Variants in AHDC1 observed in about 807,000 individuals in gnomAD.
AHDC1 encodes transcription factor Gibbin.
AHDC1 carries 7 observed loss-of-function variants against 87.9 expected under a neutral mutation model. The observed-to-expected ratio is 0.08, with a 90% CI of 0.05 to 0.15. The LOEUF (loss-of-function observed/expected upper bound fraction) is 0.15, where lower values mean the gene tolerates loss of function less well. AHDC1 is among the 10% of genes least tolerant of loss of function. The pLI is 1.00. For synonymous variants in AHDC1, 1,051 were observed against 1,006.8 expected (o/e 1.04, Z -0.83); for missense variants, 1,841 against 2,253.2 (o/e 0.82, Z 3.70).
At chr1:27,552,312 TC>T in intron 7 of AHDC1, 123 bp from the exon 8 acceptor site, 1 of 926,420 alleles carries the variant, frequency 1.1e-6, no homozygotes, top group Non-Finnish European at 1.4e-6. Context: ...CAAGCTCCCC[TC>T]CCCACCCCAA....
In AHDC1 at chr1:27,595,458, G is replaced by A. The variant is rs574580583; in HGVS notation, c.-629+7939C>T. Among the ~76,000 whole-genome samples, 1 of 151,718 alleles carries A rather than the reference G, an allele frequency of 6.6e-6. No homozygotes were observed. Among genetic ancestry groups the A allele is most frequent in the South Asian group, 2.1e-4 (1 of 4,802 alleles). ...TGCTGAGGGTGTGATAGCTGTGTGT[G>A]TGTGTGTGTGTGATTGTGTGTGTGT... On this transcript the variant is annotated intron_variant, in intron 3 of 8. Coordinates refer to ENST00000673934, the MANE Select transcript of AHDC1 (RefSeq NM_001371928.1). The surrounding 1 kb of genome is among the most constrained non-coding windows in gnomAD (Gnocchi z 4.0).
rs143409425 is a variant in AHDC1 at position 27,539,963 on chromosome 1, ATCTCTC to A, written c.*44-5053_*44-5048del. Among the ~76,000 whole-genome samples the A allele has an allele frequency of 2.7e-5, 4 of 147,926 alleles. No homozygotes were observed. In the East Asian group the frequency reaches 5.9e-4, roughly 22 times the overall value. ...GGAGGAGGCTAGCCTCACCTCCTCC[ATCTCTC>A]TCTCTCTCTCTCTCCCCCACTCTCC... is the stretch of plus-strand genomic sequence containing the variant. On this transcript the variant is annotated intron_variant, in intron 8 of 8. Coordinates refer to ENST00000673934, the MANE Select transcript of AHDC1 (RefSeq NM_001371928.1).
chr1:27,593,114 G>A lies in AHDC1; in HGVS notation c.-629+10283C>T, dbSNP rs557730332. ...CAGGGGACACAGGCCTCGGTGGAACGGAGTAGACACGGTGTCTCCTCAGGG... is the reference window on the plus strand; with the variant it reads ...CAGGGGACACAGGCCTCGGTGGAACAGAGTAGACACGGTGTCTCCTCAGGG... On this transcript the variant is annotated intron_variant, in intron 3 of 8. Coordinates refer to ENST00000673934, the MANE Select transcript of AHDC1 (RefSeq NM_001371928.1). This position sits in a 1 kb window ranked among gnomAD's most constrained non-coding sequence, Gnocchi z 4.9. 4.6e-5 allele frequency among the ~76,000 whole-genome samples: 7 copies of A among 152,192 alleles called. No homozygotes were observed. The highest frequency in any genetic ancestry group is 2.1e-4 in the South Asian group (1 of 4,818).
At chr1:27,556,174 C>A (rs1166717577) in intron 5 of AHDC1, among the ~76,000 whole-genome samples, 2 of 151,420 alleles carry the variant, frequency 1.3e-5, no homozygotes, top group Non-Finnish European at 2.9e-5. Context: ...GAGTCCCCAG[C>A]CCCACCCTCC....
Position 27,562,780 on chromosome 1 carries a change from G to T in AHDC1, c.-628-3897C>A, listed in dbSNP as rs536728623. 3.9e-5 allele frequency among the ~76,000 whole-genome samples: 6 copies of T among 152,280 alleles called. No homozygotes were observed. The highest frequency in any genetic ancestry group is 2.9e-5 in the Non-Finnish European group (2 of 68,018). On this transcript the variant is annotated intron_variant, in intron 3 of 8. Transcript: ENST00000673934. The surrounding 1 kb of genome is among the most constrained non-coding windows in gnomAD (Gnocchi z 4.4). Reference sequence around the variant, plus strand: ...CACCAGAAAACATGTCGTCTCTTTAGAGTGAGACACGAGCTCCCAAGTTAC... The same window carrying T: ...CACCAGAAAACATGTCGTCTCTTTATAGTGAGACACGAGCTCCCAAGTTAC...
chr1:27,573,764 G>A (rs187593423), intron 3 of AHDC1, among the ~76,000 whole-genome samples: 11 of 152,334 alleles, frequency 7.2e-5, no homozygotes, highest in African/African-American at 2.6e-4. Flanking sequence ...TATTATTTAC[G>A]TAGATCTCTG....
chr1:27,561,651 T>C lies in AHDC1; in HGVS notation c.-628-2768A>G, dbSNP rs535626265. ...TTGGCTGGGGGAGATTTGTTCTGGTTGCAGACACCAGCCGAGACCACACAA... is the reference window on the plus strand; with the variant it reads ...TTGGCTGGGGGAGATTTGTTCTGGTCGCAGACACCAGCCGAGACCACACAA... On this transcript the variant is annotated intron_variant, in intron 3 of 8. Transcript: ENST00000673934. This position sits in a 1 kb window ranked among gnomAD's most constrained non-coding sequence, Gnocchi z 4.2. Among the ~76,000 whole-genome samples the C allele has an allele frequency of 2.1e-4, 32 of 151,552 alleles. 1 individual carries two copies. The East Asian group carries it at 6.2e-3, about 29-fold the overall frequency.
intron 3 of AHDC1, among the ~76,000 whole-genome samples, chr1:27,566,403 AAAAG>A (rs891398666): frequency 2.3e-4 from 35 of 152,110 alleles, no homozygotes; most frequent in African/African-American, 8.0e-4. Context: ...AGAAAAAGAC[AAAAG>A]AGAGAGACAG....
chr1:27,602,761 G>C (rs377088504), intron 3 of AHDC1, among the ~76,000 whole-genome samples: 2 of 152,002 alleles, frequency 1.3e-5, no homozygotes, highest in Admixed American at 6.5e-5. Flanking sequence ...CCAGGTAACC[G>C]GGCACGCGGC....
rs1557663477 is a variant in AHDC1 at position 27,550,010 on chromosome 1, CTTT to C, written c.2103_2105del (p.Lys703del). ...CAGCGGCTGCCACGGCCACCACCTT[CTTT>C]TTCTTGCCGATGCCCTCAAAGAAGT... On this transcript the variant is annotated inframe_deletion, in exon 8 of 9. Coordinates refer to ENST00000673934, the MANE Select transcript of AHDC1 (RefSeq NM_001371928.1). The C allele has an allele frequency of 1.9e-6, 3 of 1,599,742 alleles. No homozygotes were observed. The highest frequency in any genetic ancestry group is 2.6e-6 in the Non-Finnish European group (3 of 1,170,610).
At chr1:27,600,703 C>G (rs987402531) in intron 3 of AHDC1, among the ~76,000 whole-genome samples, 4 of 152,168 alleles carry the variant, frequency 2.6e-5, no homozygotes, top group Admixed American at 1.3e-4. Flanking sequence ...CAGGGGCAGT[C>G]TGCCCCTCAA....
chr1:27,552,848 CCTT>C (rs2019640757), intron 7 of AHDC1, 41 bp downstream of exon 7: 1 of 152,722 alleles, frequency 6.5e-6, no homozygotes, highest in Non-Finnish European at 1.5e-5. Context: ...CGGCCTCCCT[CCTT>C]CTTACCCCGA....
chr1:27,602,643 C>G (rs1473744459), intron 3 of AHDC1, among the ~76,000 whole-genome samples: 1 of 152,208 alleles, frequency 6.6e-6, no homozygotes, highest in African/African-American at 2.4e-5. Context: ...TGTCACTCAG[C>G]ACCCCACCCC....
rs1396835636 is a variant in AHDC1 at position 27,562,132 on chromosome 1, G to C, written c.-628-3249C>G. ...GAGGCAGGGTGGGCCGGGGAGAAGGGCCGAGGGGAGGCCTGTGTGGGCAGT... is the reference window on the plus strand; with the variant it reads ...GAGGCAGGGTGGGCCGGGGAGAAGGCCCGAGGGGAGGCCTGTGTGGGCAGT... On this transcript the variant is annotated intron_variant, in intron 3 of 8. Coordinates refer to ENST00000673934, the MANE Select transcript of AHDC1 (RefSeq NM_001371928.1). The surrounding 1 kb of genome is among the most constrained non-coding windows in gnomAD (Gnocchi z 4.4). Among the ~76,000 whole-genome samples, 1 of 152,108 alleles carries C rather than the reference G, an allele frequency of 6.6e-6. No homozygotes were observed. Among genetic ancestry groups the C allele is most frequent in the Non-Finnish European group, 1.5e-5 (1 of 67,998 alleles).
At position 27,549,155 on chromosome 1, in the gene AHDC1, A is replaced by C; in HGVS notation, c.2961T>G (p.Phe987Leu). 1 of 1,565,328 alleles carries C rather than the reference A, an allele frequency of 6.4e-7. No homozygotes were observed. The highest frequency in any genetic ancestry group is 8.7e-7 in the Non-Finnish European group (1 of 1,153,814). Residue 987 changes from phenylalanine (F) to leucine (L), a missense_variant, in exon 8 of 9, where the codon TTT becomes TTG. Phe to Leu is a conservative substitution (Grantham distance 22). Around this residue, in one of 13 missense-constraint regions of AHDC1, gnomAD observed 378 missense variants for 399.0 expected, o/e 0.95. Coordinates refer to ENST00000673934, the MANE Select transcript of AHDC1 (RefSeq NM_001371928.1). ...GQSVFAPTKP[F>L]TGQDCANSKD... Reference sequence around the variant, plus strand: ...TGCTGTTAGCGCAGTCCTGGCCTGTAAAGGGCTTAGTTGGGGCGAATACGC... The same window carrying C: ...TGCTGTTAGCGCAGTCCTGGCCTGTCAAGGGCTTAGTTGGGGCGAATACGC...
chr1:27,573,056 C>T (rs1426771081), intron 3 of AHDC1, among the ~76,000 whole-genome samples: 1 of 152,222 alleles, frequency 6.6e-6, no homozygotes, highest in East Asian at 1.9e-4. Flanking sequence ...GGTGATAAGC[C>T]CCCTCCATCC....
At chr1:27,587,459 T>A (rs1488129490) in intron 3 of AHDC1, among the ~76,000 whole-genome samples, 1 of 152,176 alleles carries the variant, frequency 6.6e-6, no homozygotes, top group Non-Finnish European at 1.5e-5. Context: ...TCACCTAGCT[T>A]GCTTGGAAGC....
chr1:27,553,464 G>A (rs1470763613), intron 5 of AHDC1: 1 of 152,194 alleles, frequency 6.6e-6, no homozygotes, highest in Non-Finnish European at 1.5e-5. Flanking sequence ...TTACTAGTGG[G>A]ATAAGAGCTG....
At chr1:27,573,483 G>A (rs1285428153) in intron 3 of AHDC1, among the ~76,000 whole-genome samples, 1 of 152,146 alleles carries the variant, frequency 6.6e-6, no homozygotes, top group Non-Finnish European at 1.5e-5. Flanking sequence ...AGTTGGGAGG[G>A]GAATCTGTAG....
Sources: allele counts gnomAD v4.1 joint callset (sites outside exome capture counted in the v4.1 genomes callset), GRCh38; gene constraint gnomAD v4.1.1; regional missense constraint gnomAD v4.1.1; non-coding constraint Gnocchi (gnomAD v3.1); transcripts MANE v1.5; gene names NCBI Gene and HGNC (gene_info 2026-07-23, HGNC 2026-07-21).